Variants in ASIC2 observed in about 807,000 individuals in gnomAD.
ASIC2 encodes the protein acid sensing ion channel subunit 2.
In ASIC2, 25 loss-of-function variants were observed where a neutral mutation model predicts 57.3. The ratio of observed to expected loss-of-function variants is 0.44; its 90% CI spans 0.32 to 0.61. The LOEUF (loss-of-function observed/expected upper bound fraction) is 0.61, where lower values mean the gene tolerates loss of function less well. ASIC2 is among the 20% of genes least tolerant of loss of function. ASIC2 has a pLI of 0.06. For synonymous variants in ASIC2, 319 were observed against 307.5 expected (o/e 1.04, Z -0.39); for missense variants, 641 against 738.1 (o/e 0.87, Z 1.52).
chr17:33,450,803 C>T (rs1263875847), intron 1 of ASIC2, among the ~76,000 whole-genome samples: 2 of 151,952 alleles, frequency 1.3e-5, no homozygotes, highest in South Asian at 2.1e-4. Context: ...TATAATGTAC[C>T]CCTCAGTCAT....
At chr17:33,363,200 C>A (rs1908678177) in intron 1 of ASIC2, among the ~76,000 whole-genome samples, 1 of 152,100 alleles carries the variant, frequency 6.6e-6, no homozygotes, top group African/African-American at 2.4e-5. Context: ...ATTTTCCAAG[C>A]AGAAACTCTT....
intron 1 of ASIC2, among the ~76,000 whole-genome samples, chr17:33,352,238 A>T (rs1336876285): frequency 1.3e-5 from 2 of 152,114 alleles, no homozygotes; most frequent in East Asian, 3.9e-4. Flanking sequence ...ACATGCCCAG[A>T]ACTGAACTCA....
At chr17:33,646,381 C>A (rs1377192556) in intron 1 of ASIC2, among the ~76,000 whole-genome samples, 1 of 152,136 alleles carries the variant, frequency 6.6e-6, no homozygotes, top group Non-Finnish European at 1.5e-5. Flanking sequence ...ACTGATTGGC[C>A]AGATCCCAAG....
intron 1 of ASIC2, among the ~76,000 whole-genome samples, chr17:33,907,581 A>G (rs1332331515): frequency 1.3e-5 from 2 of 152,072 alleles, no homozygotes; most frequent in African/African-American, 4.8e-5. Flanking sequence ...TGAGCCCACC[A>G]GGCTCATCTC....
At chr17:33,507,124 C>A (rs1373584927) in intron 1 of ASIC2, among the ~76,000 whole-genome samples, 2 of 152,216 alleles carry the variant, frequency 1.3e-5, no homozygotes, top group African/African-American at 4.8e-5. Context: ...CTCCCAATAC[C>A]TGATGCTCTA....
chr17:33,621,414 G>A (rs1179191981), intron 1 of ASIC2, among the ~76,000 whole-genome samples: 1 of 152,134 alleles, frequency 6.6e-6, no homozygotes, highest in Non-Finnish European at 1.5e-5. Flanking sequence ...AAATAGAACG[G>A]GGCGATGTAA....
intron 3 of ASIC2, among the ~76,000 whole-genome samples, chr17:33,061,785 T>C (rs1044277240): frequency 3.3e-5 from 5 of 152,366 alleles, no homozygotes; most frequent in Non-Finnish European, 5.9e-5. Context: ...TGAATCCATC[T>C]GGTCTTGGAC....
intron 1 of ASIC2, among the ~76,000 whole-genome samples, chr17:33,575,707 C>T (rs1050780758): frequency 2.2e-4 from 33 of 152,276 alleles, no homozygotes; most frequent in African/African-American, 7.9e-4. Flanking sequence ...GCATGCCTTG[C>T]TTTCCTCTCC....
chr17:33,688,374 G>A lies in ASIC2; in HGVS notation c.555+467604C>T, dbSNP rs530083319. On this transcript the variant is annotated intron_variant, in intron 1 of 9. Transcript: ENST00000359872. ...TAAGTTTTTGCTACTACCAGTAAAA[G>A]TACTGAAGTTTTTGAATAATTTACC... Among the ~76,000 whole-genome samples, 30 of 152,294 alleles carry A rather than the reference G, an allele frequency of 2.0e-4. No homozygotes were observed. The South Asian group carries it at 5.4e-3, about 27-fold the overall frequency.
intron 1 of ASIC2, among the ~76,000 whole-genome samples, chr17:33,579,030 A>C (rs1567657576): frequency 6.6e-6 from 1 of 152,104 alleles, no homozygotes; most frequent in African/African-American, 2.4e-5. Context: ...TCACTCCTGT[A>C]ATCCCAGCAC....
intron 2 of ASIC2, among the ~76,000 whole-genome samples, chr17:33,111,213 T>C (rs1197492190): frequency 6.6e-6 from 1 of 152,192 alleles, no homozygotes; most frequent in Non-Finnish European, 1.5e-5. Flanking sequence ...TCAAATACCC[T>C]TGGTGCTTTC....
chr17:33,629,613 T>C (rs1906097710), intron 1 of ASIC2, among the ~76,000 whole-genome samples: 1 of 152,264 alleles, frequency 6.6e-6, no homozygotes, highest in South Asian at 2.1e-4. Flanking sequence ...AGACAATATT[T>C]CCCTGGGAGA....
chr17:33,017,382 G>A (rs1034709038), intron 8 of ASIC2, among the ~76,000 whole-genome samples: 1 of 151,750 alleles, frequency 6.6e-6, no homozygotes, highest in East Asian at 1.9e-4. Flanking sequence ...AGCTCCCAGA[G>A]GATAGGCCTG....
chr17:33,081,003 G>C (rs1256293246), intron 3 of ASIC2, among the ~76,000 whole-genome samples: 1 of 152,200 alleles, frequency 6.6e-6, no homozygotes, highest in Non-Finnish European at 1.5e-5. Context: ...CTCTTTGTCA[G>C]GAAGGCAAGG....
At chr17:33,758,862 A>G (rs1265064071) in intron 1 of ASIC2, among the ~76,000 whole-genome samples, 3 of 151,714 alleles carry the variant, frequency 2.0e-5, no homozygotes, top group Non-Finnish European at 4.4e-5. Context: ...CCTTTTCTTT[A>G]TAAATTACCC....
intron 3 of ASIC2, among the ~76,000 whole-genome samples, chr17:33,049,687 G>A (rs1487454145): frequency 6.6e-6 from 1 of 152,172 alleles, no homozygotes; most frequent in Non-Finnish European, 1.5e-5. Context: ...AAATGCTGTT[G>A]AGCCTCGGTT....
At chr17:33,396,799 A>C (rs1342943350) in intron 1 of ASIC2, among the ~76,000 whole-genome samples, 1 of 152,180 alleles carries the variant, frequency 6.6e-6, no homozygotes, top group Non-Finnish European at 1.5e-5. Context: ...GGAGATAGGC[A>C]TTGGGAAATT....
chr17:33,195,412 G>C (rs752612910), intron 1 of ASIC2, among the ~76,000 whole-genome samples: 1 of 152,150 alleles, frequency 6.6e-6, no homozygotes, highest in Non-Finnish European at 1.5e-5. Context: ...GAGGGTCATT[G>C]TCAGGATTAT....
intron 1 of ASIC2, chr17:34,038,989 C>A: frequency 6.2e-7 from 1 of 1,614,190 alleles, no homozygotes. Context: ...GTAGCCCAGT[C>A]TCAAGCGGTC....
Sources: allele counts gnomAD v4.1 joint callset (sites outside exome capture counted in the v4.1 genomes callset), GRCh38; gene constraint gnomAD v4.1.1; transcripts MANE v1.5; gene names NCBI Gene and HGNC (gene_info 2026-07-23, HGNC 2026-07-21).